GAS7: variants seen among roughly 807,000 people sequenced by gnomAD.
GAS7 encodes growth arrest specific 7.
In GAS7, 28 loss-of-function variants were observed where a neutral mutation model predicts 71.1. The observed-to-expected ratio is 0.39, with a 90% CI of 0.29 to 0.54. GAS7 has a LOEUF of 0.54. Among genes scored for constraint, GAS7 ranks in the 20% least tolerant of loss-of-function variants. The pLI is 0.62. For synonymous variants in GAS7, 258 were observed against 245.8 expected, an observed-to-expected ratio of 1.05 and a Z score of -0.46; for missense variants, 436 against 627.8, an observed-to-expected ratio of 0.69 and a Z score of 3.27.
chr17:10,024,654 G>A (rs1430042187), intron 1 of GAS7, among the ~76,000 whole-genome samples: 2 of 152,164 alleles, frequency 1.3e-5, no homozygotes, highest in Non-Finnish European at 2.9e-5. Flanking sequence ...AGATTGCAAG[G>A]ACAGGCTTCA....
At chr17:10,105,176 G>T (rs540788484) in intron 1 of GAS7, among the ~76,000 whole-genome samples, 1 of 151,968 alleles carries the variant, frequency 6.6e-6, no homozygotes, top group African/African-American at 2.4e-5. Flanking sequence ...CATGCCATGC[G>T]TATTCCTACC....
intron 9 of GAS7, among the ~76,000 whole-genome samples, chr17:9,929,392 G>C (rs943845057): frequency 6.6e-6 from 1 of 152,216 alleles, no homozygotes; most frequent in African/African-American, 2.4e-5. Context: ...GAAGCGTGAC[G>C]CTGCTAACTA....
At chr17:10,168,747 C>T (rs549091135) in intron 1 of GAS7, among the ~76,000 whole-genome samples, 34 of 151,994 alleles carry the variant, frequency 2.2e-4, no homozygotes, top group East Asian at 1.5e-3. Context: ...CTGAGGCGGG[C>T]GGATCACAAG....
intron 5 of GAS7, among the ~76,000 whole-genome samples, chr17:9,951,801 T>C (rs2098360738): frequency 6.9e-6 from 1 of 145,592 alleles, no homozygotes; most frequent in African/African-American, 2.6e-5. Flanking sequence ...AAGAAAGGAC[T>C]TTCCCATGTC....
chr17:9,950,965 A>C (rs924350464), intron 5 of GAS7, among the ~76,000 whole-genome samples: 21 of 152,312 alleles, frequency 1.4e-4, no homozygotes, highest in Middle Eastern at 3.4e-3. Context: ...GTTTTCTCCC[A>C]GGCCTCAGCA....
At chr17:9,976,521 G>A (rs1011509350) in intron 3 of GAS7, among the ~76,000 whole-genome samples, 2 of 152,202 alleles carry the variant, frequency 1.3e-5, no homozygotes, top group African/African-American at 4.8e-5. Flanking sequence ...GGGTTCAGGA[G>A]CCCCCTCCCC....
intron 1 of GAS7, among the ~76,000 whole-genome samples, chr17:10,122,051 GCACACAC>G (rs1237813933): frequency 2.0e-5 from 3 of 152,080 alleles, no homozygotes; most frequent in Non-Finnish European, 4.4e-5. Flanking sequence ...CACTCAAACG[GCACACAC>G]CAAGGCCCAA....
At chr17:9,983,105 T>A (rs1290649875) in intron 2 of GAS7, among the ~76,000 whole-genome samples, 1 of 95,544 alleles carries the variant, frequency 1.0e-5, no homozygotes, top group African/African-American at 3.5e-5. Flanking sequence ...GGTATCCATA[T>A]GTTGATTTGT....
chr17:9,950,262 C>T (rs974443189), intron 5 of GAS7, among the ~76,000 whole-genome samples: 1 of 151,992 alleles, frequency 6.6e-6, no homozygotes, highest in Non-Finnish European at 1.5e-5. Flanking sequence ...AATCCCAAGA[C>T]TTTGGGAAGC....
intron 1 of GAS7, among the ~76,000 whole-genome samples, chr17:10,099,580 C>T (rs1294113285): frequency 2.6e-5 from 4 of 151,930 alleles, no homozygotes; most frequent in Non-Finnish European, 2.9e-5. Context: ...TTTTGGACGG[C>T]GGGGGAGTGG....
chr17:9,937,692 C>G (rs1208733827), intron 8 of GAS7, among the ~76,000 whole-genome samples: 1 of 152,230 alleles, frequency 6.6e-6, no homozygotes, highest in African/African-American at 2.4e-5. Flanking sequence ...ATCTCAGTCT[C>G]CTGAAGGATT....
At chr17:10,080,442 C>G (rs1053016982) in intron 1 of GAS7, among the ~76,000 whole-genome samples, 5 of 152,202 alleles carry the variant, frequency 3.3e-5, no homozygotes, top group African/African-American at 9.6e-5. Context: ...CTCAGAGCTG[C>G]TCTACCTATG....
chr17:9,982,931 CTACTT>C (rs1385357085), intron 2 of GAS7, among the ~76,000 whole-genome samples: 3 of 152,154 alleles, frequency 2.0e-5, no homozygotes, highest in Admixed American at 6.5e-5. Flanking sequence ...CCCCCAAACA[CTACTT>C]TACCCATTTC....
intron 1 of GAS7, among the ~76,000 whole-genome samples, chr17:10,140,279 T>C (rs946959769): frequency 6.6e-6 from 1 of 152,082 alleles, no homozygotes; most frequent in East Asian, 1.9e-4. Context: ...TTGTGCAACA[T>C]ATGGAAACCC....
At chr17:10,112,895 T>C (rs2073827710) in intron 1 of GAS7, among the ~76,000 whole-genome samples, 1 of 151,774 alleles carries the variant, frequency 6.6e-6, no homozygotes, top group Non-Finnish European at 1.5e-5. Flanking sequence ...TCCAGTAGTG[T>C]CATCACAAGT....
At position 10,103,134 on chromosome 17, in the gene GAS7, T is replaced by C. The variant is rs1403905197; in HGVS notation, c.184-83237A>G. On this transcript the variant is annotated intron_variant, in intron 1 of 13. Transcript: ENST00000432992. This position sits in a 1 kb window ranked among gnomAD's most constrained non-coding sequence, Gnocchi z 5.5. ...TGGGAGGCCGAGGTGGGCAGATTGCTAAGAGCCCAGGAGTTTGAGACCAGC... is the reference window on the plus strand; with the variant it reads ...TGGGAGGCCGAGGTGGGCAGATTGCCAAGAGCCCAGGAGTTTGAGACCAGC... Among the ~76,000 whole-genome samples, 1 of 150,322 alleles carries C rather than the reference T, an allele frequency of 6.7e-6. No individual in the cohort carries two copies. Among genetic ancestry groups the C allele is most frequent in the Non-Finnish European group, 1.5e-5 (1 of 67,194 alleles).
intron 1 of GAS7, among the ~76,000 whole-genome samples, chr17:10,069,486 T>A (rs1054576360): frequency 6.6e-6 from 1 of 152,232 alleles, no homozygotes; most frequent in Non-Finnish European, 1.5e-5. Flanking sequence ...ACCACTACTA[T>A]GATGTTGGGT....
In GAS7 at chr17:9,932,398, T is replaced by C. The variant is rs185755086; in HGVS notation, c.885+1768A>G. 3.3e-5 allele frequency among the ~76,000 whole-genome samples: 5 copies of C among 152,266 alleles called. No homozygotes were observed. In the East Asian group the frequency reaches 9.7e-4, roughly 29 times the overall value. On this transcript the variant is annotated intron_variant, in intron 9 of 13. Coordinates refer to ENST00000432992, the MANE Select transcript of GAS7 (RefSeq NM_201433.2). Reference sequence around the variant, plus strand: ...TTAGTAGAGATGGGGTTTCACCATGTTGGCCAGGATGGTCTCGATCTCATG... The same window carrying C: ...TTAGTAGAGATGGGGTTTCACCATGCTGGCCAGGATGGTCTCGATCTCATG...
chr17:10,082,409 T>G lies in GAS7; in HGVS notation c.184-62512A>C, dbSNP rs74852092. ...GATGGTAATAAGCACATGAAAAATG[T>G]TCAGCATCATCAACCTTCAGGAAAA... On this transcript the variant is annotated intron_variant, in intron 1 of 13. Transcript: ENST00000432992. Among the ~76,000 whole-genome samples the G allele has an allele frequency of 6.1e-3, 923 of 152,310 alleles. 4 individuals carry two copies. The highest frequency in any genetic ancestry group is 9.9e-3 in the South Asian group (48 of 4,830).
Sources: allele counts gnomAD v4.1 joint callset (sites outside exome capture counted in the v4.1 genomes callset), GRCh38; gene constraint gnomAD v4.1.1; non-coding constraint Gnocchi (gnomAD v3.1); transcripts MANE v1.5; gene names NCBI Gene and HGNC (gene_info 2026-07-23, HGNC 2026-07-21).